The following CACNA2D1 variants were observed in gnomAD, a reference collection of about 807,000 sequenced individuals.
The protein encoded by CACNA2D1 is calcium voltage-gated channel auxiliary subunit alpha2delta 1.
Under a neutral mutation model 171.5 loss-of-function variants are expected in CACNA2D1, and 53 were observed. The observed-to-expected ratio is 0.31, with a 90% CI of 0.25 to 0.39. The LOEUF is 0.39. CACNA2D1 is among the 10% of genes least tolerant of loss of function. The pLI is 1.00. For synonymous variants in CACNA2D1, 442 were observed against 443.1 expected (o/e 1.00, Z 0.03); for missense variants, 903 against 1,299.8 (o/e 0.69, Z 4.69).
intron 18 of CACNA2D1, among the ~76,000 whole-genome samples, chr7:82,002,534 TAATA>T (rs1798717398): frequency 6.6e-6 from 1 of 152,226 alleles, no homozygotes; most frequent in African/African-American, 2.4e-5. Context: ...TCTATGAAAC[TAATA>T]GAGAATGTAA....
chr7:82,287,513 C>T (rs1266365157), intron 3 of CACNA2D1, among the ~76,000 whole-genome samples: 2 of 152,102 alleles, frequency 1.3e-5, no homozygotes, highest in East Asian at 3.9e-4. Context: ...GTCCTATATG[C>T]TTCACTGCAC....
chr7:82,025,272 T>C (rs1365699386), intron 12 of CACNA2D1, among the ~76,000 whole-genome samples: 2 of 151,718 alleles, frequency 1.3e-5, no homozygotes, highest in Non-Finnish European at 3.0e-5. Flanking sequence ...TTCCAATCCA[T>C]TAACATGAGA....
At chr7:82,047,569 GA>G (rs1299719514) in intron 10 of CACNA2D1, among the ~76,000 whole-genome samples, 4 of 152,062 alleles carry the variant, frequency 2.6e-5, no homozygotes, top group Non-Finnish European at 5.9e-5. Flanking sequence ...ATCACTGATT[GA>G]AACTGTTTAT....
chr7:82,016,597 A>G (rs1338842475), intron 12 of CACNA2D1, among the ~76,000 whole-genome samples: 2 of 86,816 alleles, frequency 2.3e-5, no homozygotes, highest in Non-Finnish European at 4.6e-5. Flanking sequence ...GTCCAAATAA[A>G]CACTAGCCGC....
At chr7:82,024,066 A>G (rs1276011195) in intron 12 of CACNA2D1, among the ~76,000 whole-genome samples, 1 of 151,794 alleles carries the variant, frequency 6.6e-6, no homozygotes, top group Non-Finnish European at 1.5e-5. Flanking sequence ...GTCAAGGAAC[A>G]TTAAGGTTGT....
At chr7:82,399,286 G>A (rs955718515) in intron 1 of CACNA2D1, among the ~76,000 whole-genome samples, 3 of 151,950 alleles carry the variant, frequency 2.0e-5, no homozygotes, top group South Asian at 2.1e-4. Context: ...CAAAAAATAC[G>A]AAAATTAGCC....
chr7:82,383,377 T>G (rs1823926140), intron 1 of CACNA2D1, among the ~76,000 whole-genome samples: 1 of 152,160 alleles, frequency 6.6e-6, no homozygotes, highest in African/African-American at 2.4e-5. Context: ...ATTATTCATA[T>G]TCAGCCCTTC....
In CACNA2D1 at chr7:82,047,063, T is replaced by G. The variant is rs201634846; in HGVS notation, c.880-8828A>C. Among the ~76,000 whole-genome samples the G allele has an allele frequency of 3.3e-5, 5 of 152,142 alleles. No individual in the cohort carries two copies. The East Asian group carries it at 9.6e-4, about 29-fold the overall frequency. Reference sequence around the variant, plus strand: ...ATGTAAACTGAATTTAGGATCCCCCTGCATCTCCACCTGACATTTCTGTCT... The same window carrying G: ...ATGTAAACTGAATTTAGGATCCCCCGGCATCTCCACCTGACATTTCTGTCT... On this transcript the variant is annotated intron_variant, in intron 10 of 38. Coordinates refer to ENST00000356860, the MANE Select transcript of CACNA2D1 (RefSeq NM_000722.4).
chr7:82,297,371 C>T (rs1812429541), intron 3 of CACNA2D1, among the ~76,000 whole-genome samples: 1 of 152,138 alleles, frequency 6.6e-6, no homozygotes, highest in Admixed American at 6.5e-5. Flanking sequence ...GATACCACAC[C>T]TGTTAATACT....
intron 1 of CACNA2D1, among the ~76,000 whole-genome samples, chr7:82,372,318 T>G (rs1308306677): frequency 6.6e-6 from 1 of 152,098 alleles, no homozygotes; most frequent in East Asian, 1.9e-4. Flanking sequence ...TCCCCAAAAT[T>G]AAAAATATAG....
intron 38 of CACNA2D1, among the ~76,000 whole-genome samples, chr7:81,955,271 C>T (rs965132464): frequency 1.3e-5 from 2 of 152,082 alleles, no homozygotes; most frequent in African/African-American, 4.8e-5. Flanking sequence ...TTCTACCTTG[C>T]TTGTGAGCAG....
intron 18 of CACNA2D1, among the ~76,000 whole-genome samples, chr7:82,004,435 G>T (rs930582577): frequency 6.6e-6 from 1 of 151,244 alleles, no homozygotes; most frequent in Non-Finnish European, 1.5e-5. Context: ...GTTATAAAAT[G>T]TAATATTATT....
At chr7:82,284,766 A>G (rs575552360) in intron 3 of CACNA2D1, among the ~76,000 whole-genome samples, 1 of 152,276 alleles carries the variant, frequency 6.6e-6, no homozygotes, top group African/African-American at 2.4e-5. Context: ...TTGAGGGTTA[A>G]GTTCCAATAT....
intron 1 of CACNA2D1, among the ~76,000 whole-genome samples, chr7:82,431,735 G>A (rs1447670105): frequency 6.6e-6 from 1 of 151,956 alleles, no homozygotes; most frequent in African/African-American, 2.4e-5. Flanking sequence ...TGCCTTGAAG[G>A]TTAGATGGAT....
chr7:82,290,539 T>G (rs1277596730), intron 3 of CACNA2D1, among the ~76,000 whole-genome samples: 1 of 150,124 alleles, frequency 6.7e-6, no homozygotes, highest in African/African-American at 2.5e-5. Flanking sequence ...ATAATATAGG[T>G]GTTCAATTTA....
chr7:82,064,155 TG>T, intron 9 of CACNA2D1, 148 bp downstream of exon 9: 1 of 512,812 alleles, frequency 2.0e-6, no homozygotes, highest in Non-Finnish European at 3.6e-6. Flanking sequence ...TGTCTTGATA[TG>T]GCTTCATTGC....
chr7:81,970,170 A>G (rs1795120578), intron 27 of CACNA2D1, among the ~76,000 whole-genome samples, 186 bp from the exon 28 acceptor site: 2 of 151,410 alleles, frequency 1.3e-5, no homozygotes, highest in African/African-American at 4.8e-5. Context: ...CTAAATTAAG[A>G]ATCAGAAAAA....
chr7:82,151,292 A>T (rs189719718), intron 4 of CACNA2D1, among the ~76,000 whole-genome samples: 1 of 152,298 alleles, frequency 6.6e-6, no homozygotes. Context: ...TAGTAAATGC[A>T]ATCTTTTCTT....
intron 6 of CACNA2D1, among the ~76,000 whole-genome samples, chr7:82,114,992 T>TA: frequency 6.6e-6 from 1 of 152,250 alleles, no homozygotes; most frequent in East Asian, 1.9e-4. Flanking sequence ...AATTTAGAAA[T>TA]AAAAAGCCTC....
Sources: gnomAD v4.1 joint callset for allele counts (sites outside exome capture counted in the v4.1 genomes callset) on GRCh38, gnomAD v4.1.1 for gene constraint, MANE v1.5 for transcripts, NCBI Gene and HGNC (gene_info 2026-07-23, HGNC 2026-07-21) for gene names.